TRPC1: variants seen among roughly 807,000 people sequenced by gnomAD.
The protein encoded by TRPC1 is transient receptor potential cation channel subfamily C member 1.
Under a neutral mutation model 88.2 loss-of-function variants are expected in TRPC1, and 42 were observed. The observed-to-expected ratio is 0.48, with a 90% confidence interval of 0.37 to 0.62. The LOEUF is 0.62. Among genes scored for constraint, TRPC1 ranks in the 20% least tolerant of loss-of-function variants. The probability of loss-of-function intolerance (pLI) is 0.00; values close to 1 mark genes in which losing one functional copy is unlikely to be tolerated. For synonymous variants in TRPC1, 288 were observed against 331.8 expected (o/e 0.87, Z 1.43); for missense variants, 699 against 957.3 (o/e 0.73, Z 3.56).
rs902882299 is a variant in TRPC1 at position 142,802,642 on chromosome 3, T to C, written c.1757+298T>C. ...TTTGAGCAATTCTTTGTCATTCCTA[T>C]GTATTGCAAGATGTTCAGCATCTCT... is the stretch of plus-strand genomic sequence containing the variant. On this transcript the variant is annotated intron_variant, in intron 10 of 12. Coordinates refer to ENST00000476941, the MANE Select transcript of TRPC1 (RefSeq NM_001251845.2). Among the ~76,000 whole-genome samples, 23 of 152,082 alleles carry C rather than the reference T, an allele frequency of 1.5e-4. 1 individual carries two copies. The highest frequency in any genetic ancestry group is 1.0e-3 in the Admixed American group (16 of 15,262).
intron 7 of TRPC1, 65 bp downstream of exon 7, chr3:142,785,105 T>C (rs751553564): frequency 9.9e-6 from 14 of 1,412,328 alleles, no homozygotes; most frequent in South Asian, 1.5e-5. Flanking sequence ...TCTTGATTGA[T>C]GGCATTGTGA....
chr3:142,724,803 C>A lies in TRPC1; in HGVS notation c.172+72C>A. ...CCTTTAGTCCTCTCCCCCGCCTCAA[C>A]TTATATCGGGGCATTCCCTCTGTCT... is the stretch of plus-strand genomic sequence containing the variant. On this transcript the variant is annotated intron_variant, in intron 1 of 12. Coordinates refer to ENST00000476941, the MANE Select transcript of TRPC1 (RefSeq NM_001251845.2). This position sits in a 1 kb window ranked among gnomAD's most constrained non-coding sequence, Gnocchi z 5.6. 1 of 1,430,956 alleles carries A rather than the reference C, an allele frequency of 7.0e-7. No homozygotes were observed. Among genetic ancestry groups the A allele is most frequent in the Non-Finnish European group, 9.2e-7 (1 of 1,082,226 alleles). 88.6% of individuals were successfully genotyped at this position (1,430,956 alleles called of 1,614,324 possible). A position where few individuals can be genotyped will look rare whatever the true frequency, so the allele number is the denominator to read the frequency against.
intron 9 of TRPC1, among the ~76,000 whole-genome samples, chr3:142,797,483 A>G (rs1936489267): frequency 6.6e-6 from 1 of 152,130 alleles, no homozygotes; most frequent in African/African-American, 2.4e-5. Context: ...TTGAGGGTCT[A>G]TGCATGCATT....
chr3:142,753,286 A>AG (rs770379392), intron 4 of TRPC1, among the ~76,000 whole-genome samples: 16 of 152,192 alleles, frequency 1.1e-4, no homozygotes, highest in Non-Finnish European at 1.5e-5. Flanking sequence ...TATTTTAGGC[A>AG]GAAAGTACAG....
intron 4 of TRPC1, among the ~76,000 whole-genome samples, chr3:142,769,047 A>T (rs1935489790): frequency 6.6e-6 from 1 of 151,924 alleles, no homozygotes; most frequent in African/African-American, 2.4e-5. Context: ...GTTTCCTTTC[A>T]GCTTTAGCAT....
chr3:142,765,069 A>G (rs1935334716), intron 4 of TRPC1, among the ~76,000 whole-genome samples: 1 of 152,154 alleles, frequency 6.6e-6, no homozygotes, highest in African/African-American at 2.4e-5. Context: ...CCCATTTACA[A>G]TAGCTGCAAA....
chr3:142,780,392 G>T (rs1414994423), intron 5 of TRPC1, among the ~76,000 whole-genome samples: 2 of 152,120 alleles, frequency 1.3e-5, no homozygotes, highest in African/African-American at 2.4e-5. Flanking sequence ...TATTGTAGAT[G>T]ACTATTGAAA....
chr3:142,741,493 C>T (rs1020645436), intron 2 of TRPC1, among the ~76,000 whole-genome samples: 12 of 152,126 alleles, frequency 7.9e-5, no homozygotes, highest in Admixed American at 4.6e-4. Context: ...ACATGTTTGT[C>T]CTTACATTAA....
chr3:142,725,317 G>A (rs888239320), intron 1 of TRPC1, among the ~76,000 whole-genome samples: 1 of 152,162 alleles, frequency 6.6e-6, no homozygotes, highest in African/African-American at 2.4e-5. Context: ...AGGACGGGAC[G>A]GAAGAAATTC....
At chr3:142,796,149 T>C (rs897334793) in intron 9 of TRPC1, among the ~76,000 whole-genome samples, 3 of 152,000 alleles carry the variant, frequency 2.0e-5, no homozygotes, top group African/African-American at 7.2e-5. Context: ...ATAGAGACAT[T>C]AAGTAACTTG....
intron 4 of TRPC1, among the ~76,000 whole-genome samples, chr3:142,748,901 G>T (rs1934651161): frequency 6.6e-6 from 1 of 151,768 alleles, no homozygotes; most frequent in African/African-American, 2.4e-5. Flanking sequence ...CTTTCTTATT[G>T]ATCATCTCTT....
At chr3:142,746,131 G>C (rs904068338) in intron 3 of TRPC1, among the ~76,000 whole-genome samples, 1 of 152,096 alleles carries the variant, frequency 6.6e-6, no homozygotes, top group Non-Finnish European at 1.5e-5. Context: ...ATATAAACTG[G>C]CTATAAGCAG....
chr3:142,725,697 A>G lies in TRPC1; in HGVS notation c.172+966A>G, dbSNP rs191318156. Among the ~76,000 whole-genome samples, 57 of 152,318 alleles carry G rather than the reference A, an allele frequency of 3.7e-4. No homozygotes were observed. In the Middle Eastern group the frequency reaches 0.017, roughly 45 times the overall value. ...GCTGTACACTTAGGAAAACTCTGTT[A>G]GAAACATGCAAACTTCTGGAACAAA... On this transcript the variant is annotated intron_variant, in intron 1 of 12. Transcript: ENST00000476941.
intron 4 of TRPC1, among the ~76,000 whole-genome samples, chr3:142,760,265 G>A (rs1935138839): frequency 6.6e-6 from 1 of 152,188 alleles, no homozygotes; most frequent in African/African-American, 2.4e-5. Context: ...TATTGTGAGA[G>A]ATTGGGGTCT....
chr3:142,764,766 A>G (rs763363730), intron 4 of TRPC1, among the ~76,000 whole-genome samples: 71 of 152,132 alleles, frequency 4.7e-4, no homozygotes, highest in Admixed American at 1.4e-3. Context: ...TGGTGGTCTA[A>G]GACCTTCCTG....
intron 1 of TRPC1, 35 bp from the exon 2 acceptor site, chr3:142,736,344 C>T (rs747287920): frequency 1.7e-5 from 25 of 1,485,780 alleles, no homozygotes; most frequent in East Asian, 7.2e-5. Context: ...TGATATGTCA[C>T]GGATATTAAA....
At chr3:142,759,009 C>G (rs1935084954) in intron 4 of TRPC1, among the ~76,000 whole-genome samples, 1 of 152,014 alleles carries the variant, frequency 6.6e-6, no homozygotes, top group African/African-American at 2.4e-5. Flanking sequence ...ATGAACTCAT[C>G]CTTTTTTATG....
chr3:142,742,644 TAC>T (rs1934396837), intron 2 of TRPC1, among the ~76,000 whole-genome samples: 1 of 152,240 alleles, frequency 6.6e-6, no homozygotes, highest in South Asian at 2.1e-4. Context: ...AGTTAAAATG[TAC>T]AGATTGAAAA....
At chr3:142,737,459 G>A (rs1162219347) in intron 2 of TRPC1, among the ~76,000 whole-genome samples, 1 of 151,964 alleles carries the variant, frequency 6.6e-6, no homozygotes, top group African/African-American at 2.4e-5. Flanking sequence ...CAATTGAGAA[G>A]CAGAAAGTAA....
Sources: gnomAD v4.1 joint callset for allele counts (sites outside exome capture counted in the v4.1 genomes callset) on GRCh38, gnomAD v4.1.1 for gene constraint, Gnocchi (gnomAD v3.1) non-coding constraint, MANE v1.5 for transcripts, NCBI Gene and HGNC (gene_info 2026-07-23, HGNC 2026-07-21) for gene names.